STIM1: variants seen among roughly 807,000 people sequenced by gnomAD.
The protein encoded by STIM1 is stromal interaction molecule 1.
In STIM1, 25 loss-of-function variants were observed where a neutral mutation model predicts 74.7. That is an observed-to-expected ratio of 0.33 (90% CI 0.24 to 0.47). STIM1 has a LOEUF of 0.47. Among genes scored for constraint, STIM1 ranks in the 20% least tolerant of loss-of-function variants. The probability of loss-of-function intolerance (pLI) is 1.00; values close to 1 mark genes in which losing one functional copy is unlikely to be tolerated. For missense variants in STIM1, 728 were observed against 920.8 expected, an observed-to-expected ratio of 0.79 and a Z score of 2.71; for synonymous variants, 328 against 348.8, an observed-to-expected ratio of 0.94 and a Z score of 0.66.
At chr11:3,971,885 A>G (rs2093399416) in intron 2 of STIM1, among the ~76,000 whole-genome samples, 2 of 152,114 alleles carry the variant, frequency 1.3e-5, no homozygotes, top group South Asian at 4.1e-4. Context: ...CTGCTCTCCT[A>G]ATATTAAACA....
At chr11:3,941,671 T>TAGAGAGAGAG (rs1372399472) in intron 1 of STIM1, among the ~76,000 whole-genome samples, 1,764 of 75,928 alleles carry the variant, frequency 0.023, 24 homozygotes, top group East Asian at 0.092. Context: ...TATATATATA[T>TAGAGAGAGAG]ATAGAGAGAG....
At chr11:4,039,391 A>G (rs2094129759) in intron 3 of STIM1, among the ~76,000 whole-genome samples, 1 of 151,990 alleles carries the variant, frequency 6.6e-6, no homozygotes, top group Non-Finnish European at 1.5e-5. Context: ...GTTCAAGATC[A>G]GCTTGGCCAA....
intron 5 of STIM1, among the ~76,000 whole-genome samples, chr11:4,060,984 A>G (rs968157495): frequency 2.6e-5 from 4 of 152,184 alleles, no homozygotes; most frequent in Admixed American, 1.3e-4. Context: ...GTATACACCA[A>G]CAAGGACACT....
At chr11:3,862,190 A>G (rs1296590151) in intron 1 of STIM1, among the ~76,000 whole-genome samples, 1 of 152,224 alleles carries the variant, frequency 6.6e-6, no homozygotes, top group Non-Finnish European at 1.5e-5. Flanking sequence ...TTTGAAAAAA[A>G]TTGTGGACTA....
intron 2 of STIM1, among the ~76,000 whole-genome samples, chr11:3,993,093 C>A (rs562523140): frequency 5.9e-4 from 89 of 151,462 alleles, no homozygotes; most frequent in African/African-American, 2.0e-3. Flanking sequence ...TAAACCAGAT[C>A]ATTTCACTCT....
At chr11:3,955,774 C>G (rs571571662) in intron 1 of STIM1, among the ~76,000 whole-genome samples, 13 of 152,088 alleles carry the variant, frequency 8.5e-5, no homozygotes, top group African/African-American at 3.1e-4. Flanking sequence ...AATTTAAGAG[C>G]TCCTTAAGTG....
intron 1 of STIM1, among the ~76,000 whole-genome samples, chr11:3,905,217 G>C (rs556693113): frequency 1.3e-5 from 2 of 152,142 alleles, no homozygotes; most frequent in East Asian, 1.9e-4. Context: ...TTTCAGTGGA[G>C]GGGTGGGGAC....
At position 3,974,005 on chromosome 11, in the gene STIM1, C is replaced by G. The variant is rs1000655437; in HGVS notation, c.270+6323C>G. The G allele has an allele frequency of 2.0e-5, 14 of 684,860 alleles. No individual in the cohort carries two copies. In the Middle Eastern group the frequency reaches 1.1e-3, roughly 56 times the overall value. The allele number at this position is 684,860 out of a possible 1,614,324, so 42.4% of individuals were successfully genotyped here. On this transcript the variant is annotated intron_variant, in intron 2 of 12. Transcript: ENST00000526596. ...CTCTTGATACAGCTCTTCTGTCCAC[C>G]TTATGTAGCCTTGCATTCACGGCTG...
chr11:4,020,096 C>T (rs371686791), intron 2 of STIM1, among the ~76,000 whole-genome samples: 6 of 152,226 alleles, frequency 3.9e-5, no homozygotes, highest in African/African-American at 1.4e-4. Context: ...CCTCGAGGCA[C>T]ATCCATGTTG....
intron 3 of STIM1, among the ~76,000 whole-genome samples, chr11:4,027,677 TG>T (rs1278447015): frequency 3.9e-5 from 6 of 152,186 alleles, no homozygotes; most frequent in African/African-American, 1.4e-4. Flanking sequence ...TATTTCTAAG[TG>T]TCTTTGCTCA....
At chr11:3,933,212 C>A (rs1273676126) in intron 1 of STIM1, among the ~76,000 whole-genome samples, 1 of 152,192 alleles carries the variant, frequency 6.6e-6, no homozygotes. Flanking sequence ...GTGTTGTTCA[C>A]ATGGGCTGTG....
intron 1 of STIM1, among the ~76,000 whole-genome samples, chr11:3,925,625 T>C (rs1440198059): frequency 1.3e-5 from 2 of 152,230 alleles, no homozygotes; most frequent in Non-Finnish European, 2.9e-5. Flanking sequence ...TTTTAGATGG[T>C]TTTTAATCAT....
chr11:4,070,027 G>T lies in STIM1; in HGVS notation c.615G>T (p.Leu205Phe). 1 of 1,614,078 alleles carries T rather than the reference G, an allele frequency of 6.2e-7. No individual in the cohort carries two copies. The highest frequency in any genetic ancestry group is 1.1e-5 in the South Asian group (1 of 91,066). Reference protein sequence around the residue: ...LDTVLFGPPLLTRHNHLKDFM... With the variant: ...LDTVLFGPPLFTRHNHLKDFM... ...ATCATGCCCTCCCCTCTCTGGCAGT[G>T]ACTCGCCATAATCACCTCAAGGACT... is the stretch of plus-strand genomic sequence containing the variant. The change falls in exon 6 of 13, where the codon TTG becomes TTT. Residue 205 changes from leucine to phenylalanine, a missense_variant and splice_region_variant. By Grantham distance (22) the Leu-to-Phe change is conservative (BLOSUM62 0). Around this residue, in one of 5 missense-constraint regions of STIM1, gnomAD observed 132 missense variants for 158.2 expected, o/e 0.83. Coordinates refer to ENST00000526596, the MANE Select transcript of STIM1 (RefSeq NM_001382567.1).
chr11:4,090,056 G>A (rs1329483029), intron 12 of STIM1, among the ~76,000 whole-genome samples: 1 of 152,156 alleles, frequency 6.6e-6, no homozygotes, highest in African/African-American at 2.4e-5. Context: ...TAGCCTGTGT[G>A]TGTGCATGTC....
At chr11:3,998,883 G>C (rs1057036962) in intron 2 of STIM1, among the ~76,000 whole-genome samples, 1 of 152,202 alleles carries the variant, frequency 6.6e-6, no homozygotes, top group East Asian at 1.9e-4. Context: ...GAAATGGCTT[G>C]ATGTGTCTAG....
chr11:3,900,855 C>T (rs373184822), intron 1 of STIM1, among the ~76,000 whole-genome samples: 19 of 152,290 alleles, frequency 1.2e-4, no homozygotes, highest in Admixed American at 2.6e-4. Flanking sequence ...GGATTACAGG[C>T]ATGAGCCACT....
chr11:4,080,138 C>T (rs4910598), intron 7 of STIM1, among the ~76,000 whole-genome samples: 36,945 of 151,914 alleles, frequency 0.24, 5,589 homozygotes, highest in South Asian at 0.44. Flanking sequence ...CAAAGCTACT[C>T]GGGAGGCTGA....
At chr11:4,090,408 T>G (rs1353274385) in intron 12 of STIM1, among the ~76,000 whole-genome samples, 1 of 152,226 alleles carries the variant, frequency 6.6e-6, no homozygotes, top group Non-Finnish European at 1.5e-5. Context: ...AGCAGAGTTC[T>G]GAAAGAGACC....
At chr11:3,887,095 C>G (rs2091739581) in intron 1 of STIM1, among the ~76,000 whole-genome samples, 1 of 151,790 alleles carries the variant, frequency 6.6e-6, no homozygotes, top group Non-Finnish European at 1.5e-5. Flanking sequence ...GAAAAGGGTC[C>G]AGGGACTAGT....
Sources: gnomAD v4.1 joint callset for allele counts (sites outside exome capture counted in the v4.1 genomes callset) on GRCh38, gnomAD v4.1.1 for gene constraint, gnomAD v4.1.1 regional missense constraint, MANE v1.5 for transcripts, NCBI Gene and HGNC (gene_info 2026-07-23, HGNC 2026-07-21) for gene names.